The following ITPR1 variants were observed in gnomAD, a reference collection of about 807,000 sequenced individuals.
The protein encoded by ITPR1 is inositol 1,4,5-trisphosphate-gated calcium channel ITPR1.
A neutral mutation model predicts 318.4 loss-of-function variants in ITPR1; 96 were observed. That is an observed-to-expected ratio of 0.30 (90% CI 0.26 to 0.36). The LOEUF (loss-of-function observed/expected upper bound fraction) is 0.36. ITPR1 is among the 10% of genes least tolerant of loss of function. The pLI is 1.00. For missense variants in ITPR1, 2,440 were observed against 3,460.2 expected, an observed-to-expected ratio of 0.71 and a Z score of 7.40; for synonymous variants, 1,312 against 1,289.9, an observed-to-expected ratio of 1.02 and a Z score of -0.37.
At chr3:4,611,025 TCCTCCCTCCCTC>T (rs76587161) in intron 4 of ITPR1, among the ~76,000 whole-genome samples, 11 of 14,728 alleles carry the variant, frequency 7.5e-4, no homozygotes, top group Admixed American at 2.3e-3. Flanking sequence ...CCCTTCCCCT[TCCTCCCTCCCTC>T]CCTCCCTCCC....
intron 53 of ITPR1, among the ~76,000 whole-genome samples, chr3:4,795,849 A>G (rs1189515553): frequency 6.6e-6 from 1 of 152,128 alleles, no homozygotes; most frequent in Non-Finnish European, 1.5e-5. Flanking sequence ...GCATTTTGCT[A>G]TTTGGGGCCC....
chr3:4,630,039 A>C (rs1357977659), intron 5 of ITPR1, among the ~76,000 whole-genome samples: 2 of 152,242 alleles, frequency 1.3e-5, no homozygotes, highest in Non-Finnish European at 2.9e-5. Context: ...TGGCTTTATG[A>C]ACATGGAATA....
At chr3:4,599,025 A>G (rs1008582274) in intron 4 of ITPR1, among the ~76,000 whole-genome samples, 7 of 139,454 alleles carry the variant, frequency 5.0e-5, no homozygotes, top group African/African-American at 5.4e-5. Flanking sequence ...TTTTTTTTTC[A>G]TCTTTTCTGG....
rs2048543913 is a variant in ITPR1 at position 4,806,233 on chromosome 3, G to A, written c.7238G>A (p.Gly2413Glu). Residue 2413 changes from glycine to glutamate, a missense_variant, in exon 55 of 62, where the codon GGG (glycine) becomes GAG (glutamate). Coordinates refer to ENST00000649015, the MANE Select transcript of ITPR1 (RefSeq NM_001378452.1). Reference protein sequence around the residue: ...HLLYLVICAMGLFVHEFFYSL... With the variant: ...HLLYLVICAMELFVHEFFYSL... The stretch of plus-strand genomic sequence containing the variant: ...TTGTATCTGGTGATCTGTGCCATGG[G>A]GCTCTTTGTCCATGAATTCTTCTAC... 2 of 1,613,960 alleles carry A rather than the reference G, an allele frequency of 1.2e-6. No homozygotes were observed. The highest frequency in any genetic ancestry group is 2.2e-5 in the East Asian group (1 of 44,888).
intron 31 of ITPR1, among the ~76,000 whole-genome samples, chr3:4,689,500 G>A (rs927075567): frequency 3.3e-5 from 5 of 152,336 alleles, no homozygotes; most frequent in East Asian, 3.9e-4. Context: ...TATTTTAGAT[G>A]TTTGGATTTA....
chr3:4,811,125 G>T, intron 55 of ITPR1, 140 bp from the exon 56 acceptor site: 1 of 453,428 alleles, frequency 2.2e-6, no homozygotes. Flanking sequence ...AGCCAGGGAA[G>T]ATGTTCAGTG....
At position 4,706,181 on chromosome 3, in the gene ITPR1, A is replaced by T; in HGVS notation, c.4672A>T (p.Ile1558Phe). 1 of 1,614,046 alleles carries T rather than the reference A, an allele frequency of 6.2e-7. No individual in the cohort carries two copies. Residue 1558 changes from isoleucine (I) to phenylalanine (F), a missense_variant, in exon 37 of 62, where the codon ATT becomes TTT. Around this residue, in one of 23 missense-constraint regions of ITPR1, gnomAD observed 166 missense variants for 246.5 expected, o/e 0.67. Coordinates refer to ENST00000649015, the MANE Select transcript of ITPR1 (RefSeq NM_001378452.1). ...CTCCTGTGCAGCCAAGAGCCGGGCC[A>T]TTGCCATTCCCGTGGACCTGGACAG... is the stretch of plus-strand genomic sequence containing the variant. Reference protein sequence around the residue: ...VLSDVAKSRAIAIPVDLDSQV... With the variant: ...VLSDVAKSRAFAIPVDLDSQV...
At chr3:4,724,396 C>T (rs1045723824) in intron 40 of ITPR1, 3 of 152,218 alleles carry the variant, frequency 2.0e-5, no homozygotes, top group Non-Finnish European at 2.9e-5. Flanking sequence ...ACGAAGACAC[C>T]ACCAGATTTC....
Position 4,835,579 on chromosome 3 carries a change from T to G in ITPR1, c.8029-1195T>G, listed in dbSNP as rs189929902. On this transcript the variant is annotated intron_variant, in intron 60 of 61. Coordinates refer to ENST00000649015, the MANE Select transcript of ITPR1 (RefSeq NM_001378452.1). ...CATTCCGAGTGAGTGTGTGTGTGTG[T>G]GGGAGGGGGCTTGATTTGTTTTAGA... is the stretch of plus-strand genomic sequence containing the variant. 6.4e-3 allele frequency among the ~76,000 whole-genome samples: 967 copies of G among 152,066 alleles called. 9 individuals are homozygous for G. The highest frequency in any genetic ancestry group is 0.023 in the African/African-American group (935 of 41,458).
At chr3:4,676,528 C>A (rs1013084067) in intron 23 of ITPR1, 86 bp from the exon 24 acceptor site, 7 of 940,058 alleles carry the variant, frequency 7.4e-6, no homozygotes, top group African/African-American at 1.7e-5. Context: ...TAAATAATTT[C>A]TCTCAAAGAG....
At chr3:4,691,458 G>A in intron 32 of ITPR1, 114 bp downstream of exon 32, 1 of 683,656 alleles carries the variant, frequency 1.5e-6, no homozygotes, top group Non-Finnish European at 2.5e-6. Flanking sequence ...CAGAAGGACA[G>A]AAAGTAATTG....
rs1256709363 is a variant in ITPR1 at position 4,826,442 on chromosome 3, G to A, written c.8028+8200G>A. On this transcript the variant is annotated intron_variant, in intron 60 of 61. Coordinates refer to ENST00000649015, the MANE Select transcript of ITPR1 (RefSeq NM_001378452.1). This position sits in a 1 kb window ranked among gnomAD's most constrained non-coding sequence, Gnocchi z 4.2. ...GCCCCCTGAAGTTAGCTGGCACCAC[G>A]GCAGAGTCAAGAATATCGGAGCAGG... is the stretch of plus-strand genomic sequence containing the variant. Among the ~76,000 whole-genome samples, 1 of 152,104 alleles carries A rather than the reference G, an allele frequency of 6.6e-6. No homozygotes were observed. Among genetic ancestry groups the A allele is most frequent in the Non-Finnish European group, 1.5e-5 (1 of 68,012 alleles).
chr3:4,764,376 A>G (rs1183384716), intron 44 of ITPR1, among the ~76,000 whole-genome samples: 2 of 152,192 alleles, frequency 1.3e-5, no homozygotes, highest in Admixed American at 6.5e-5. Context: ...GTGTTGGGTT[A>G]TATTCATTCT....
At position 4,663,582 on chromosome 3, in the gene ITPR1, C is replaced by T. The variant is rs116182000; in HGVS notation, c.1554+376C>T. On this transcript the variant is annotated intron_variant, in intron 16 of 61. Coordinates refer to ENST00000649015, the MANE Select transcript of ITPR1 (RefSeq NM_001378452.1). ...TCTCCTCTTGTCCTCACACACTTGG[C>T]CTCCCCCACTACCGACATCCTACAT... is the stretch of plus-strand genomic sequence containing the variant. Among the ~76,000 whole-genome samples the T allele has an allele frequency of 9.1e-3, 1,381 of 152,236 alleles. 16 individuals carry two copies. The highest frequency in any genetic ancestry group is 0.031 in the African/African-American group (1,294 of 41,510).
chr3:4,735,605 C>T (rs2043212047), intron 44 of ITPR1: 1 of 491,250 alleles, frequency 2.0e-6, no homozygotes, highest in African/African-American at 1.9e-5. Context: ...GCAAAGGAAA[C>T]TGGCCTAAGA....
intron 26 of ITPR1, among the ~76,000 whole-genome samples, chr3:4,682,883 A>C (rs75943372): frequency 1.7e-5 from 2 of 117,064 alleles, no homozygotes; most frequent in South Asian, 2.4e-4. Flanking sequence ...TTGATCTAGG[A>C]TATGCTTATT....
intron 52 of ITPR1, among the ~76,000 whole-genome samples, chr3:4,791,436 A>G (rs1386546084): frequency 6.6e-6 from 1 of 152,146 alleles, no homozygotes; most frequent in Non-Finnish European, 1.5e-5. Flanking sequence ...GATCCCTCAC[A>G]TGCACAGTTC....
intron 9 of ITPR1, 52 bp downstream of exon 9, chr3:4,645,522 G>T (rs1422241241): frequency 6.9e-6 from 11 of 1,605,254 alleles, no homozygotes; most frequent in Non-Finnish European, 9.4e-6. Flanking sequence ...CTTGGGGGCA[G>T]CAGTCTAATT....
At chr3:4,820,171 C>A (rs1387352361) in intron 60 of ITPR1, among the ~76,000 whole-genome samples, 1 of 152,048 alleles carries the variant, frequency 6.6e-6, no homozygotes, top group African/African-American at 2.4e-5. Context: ...ATTGTTGAAA[C>A]TGGCAAATTA....
Sources: allele counts gnomAD v4.1 joint callset (sites outside exome capture counted in the v4.1 genomes callset), GRCh38; gene constraint gnomAD v4.1.1; regional missense constraint gnomAD v4.1.1; non-coding constraint Gnocchi (gnomAD v3.1); transcripts MANE v1.5; gene names NCBI Gene and HGNC (gene_info 2026-07-23, HGNC 2026-07-21).